Variants in PAMR1 observed in about 807,000 individuals in gnomAD.
PAMR1 encodes the protein inactive serine protease PAMR1.
PAMR1 carries 88 observed loss-of-function variants against 81.8 expected under a neutral mutation model. That is an observed-to-expected ratio of 1.08 (90% CI 0.91 to 1.28). PAMR1 has a LOEUF of 1.28. PAMR1 is among the 50% of genes most tolerant of loss of function. The probability of loss-of-function intolerance (pLI) is 0.00; values close to 1 mark genes in which losing one functional copy is unlikely to be tolerated. For missense variants in PAMR1, 935 were observed against 919.7 expected, an observed-to-expected ratio of 1.02 and a Z score of -0.21; for synonymous variants, 336 against 345.3, an observed-to-expected ratio of 0.97 and a Z score of 0.30.
At chr11:35,473,743 G>A (rs1370025520) in intron 4 of PAMR1, among the ~76,000 whole-genome samples, 7 of 152,158 alleles carry the variant, frequency 4.6e-5, no homozygotes, top group Non-Finnish European at 4.4e-5. Context: ...GGTAACCTCT[G>A]TGTCCATTTA....
At chr11:35,515,393 T>G (rs1209539275) in intron 1 of PAMR1, among the ~76,000 whole-genome samples, 1 of 152,258 alleles carries the variant, frequency 6.6e-6, no homozygotes. Flanking sequence ...GCCAGGGTGA[T>G]GCATTTGTAA....
At chr11:35,483,100 C>T (rs1392626685) in intron 3 of PAMR1, among the ~76,000 whole-genome samples, 1 of 152,170 alleles carries the variant, frequency 6.6e-6, no homozygotes, top group Admixed American at 6.5e-5. Flanking sequence ...TGCAAACGCC[C>T]TCTCCTCTAT....
intron 1 of PAMR1, among the ~76,000 whole-genome samples, chr11:35,512,582 A>G (rs1302221274): frequency 6.6e-6 from 1 of 152,196 alleles, no homozygotes; most frequent in Non-Finnish European, 1.5e-5. Flanking sequence ...TCCCAGCTCC[A>G]CCAGTTCCCA....
At chr11:35,470,213 C>G (rs1258897491) in intron 5 of PAMR1, among the ~76,000 whole-genome samples, 1 of 152,112 alleles carries the variant, frequency 6.6e-6, no homozygotes, top group Non-Finnish European at 1.5e-5. Context: ...AAGAACTTAC[C>G]CAAGGTCACA....
At chr11:35,467,547 T>A (rs775636626) in intron 6 of PAMR1, among the ~76,000 whole-genome samples, 9 of 152,194 alleles carry the variant, frequency 5.9e-5, no homozygotes, top group Non-Finnish European at 1.2e-4. Context: ...CTATTAATAA[T>A]TTTGCTCAGC....
rs577126182 is a variant in PAMR1 at position 35,521,777 on chromosome 11, C to T, written c.73+3736G>A. ...GTGTGAATATATGTCCTCCAGGTAA[C>T]GGAGGAACTTGGGTTCAGAAACTAG... On this transcript the variant is annotated intron_variant, in intron 1 of 10. Transcript: ENST00000619888. Among the ~76,000 whole-genome samples the T allele has an allele frequency of 5.9e-5, 9 of 152,324 alleles. No homozygotes were observed. In the South Asian group the frequency reaches 1.2e-3, roughly 21 times the overall value.
At chr11:35,463,938 C>T (rs1351004848) in intron 6 of PAMR1, among the ~76,000 whole-genome samples, 5 of 152,204 alleles carry the variant, frequency 3.3e-5, no homozygotes, top group Non-Finnish European at 2.9e-5. Context: ...CAAATAAATT[C>T]ATTTCCAGCT....
At chr11:35,527,533 T>C (rs1381141729), upstream of PAMR1, among the ~76,000 whole-genome samples, 1 of 152,132 alleles carries the variant, frequency 6.6e-6, no homozygotes, top group East Asian at 1.9e-4. Context: ...AGGAGCAGAA[T>C]ACCAGAGGGC....
chr11:35,519,547 C>G (rs1384645905), intron 1 of PAMR1, among the ~76,000 whole-genome samples: 1 of 152,198 alleles, frequency 6.6e-6, no homozygotes, highest in Non-Finnish European at 1.5e-5. Context: ...CTACTGGGAG[C>G]AAGGTACATG....
intron 1 of PAMR1, among the ~76,000 whole-genome samples, chr11:35,524,751 T>G (rs1482033595): frequency 6.6e-6 from 1 of 152,208 alleles, no homozygotes; most frequent in African/African-American, 2.4e-5. Context: ...TGCCATGTCC[T>G]CGCTTCTGCC....
intron 8 of PAMR1, among the ~76,000 whole-genome samples, chr11:35,437,712 C>A (rs1187888320): frequency 6.6e-6 from 1 of 152,248 alleles, no homozygotes; most frequent in Non-Finnish European, 1.5e-5. Flanking sequence ...TGCCACCTAA[C>A]CTCCCATTAA....
At chr11:35,464,963 G>A (rs1856730766) in intron 6 of PAMR1, among the ~76,000 whole-genome samples, 1 of 152,200 alleles carries the variant, frequency 6.6e-6, no homozygotes, top group Non-Finnish European at 1.5e-5. Flanking sequence ...TAACTGGGAT[G>A]GGAAGTCCTT....
intron 1 of PAMR1, among the ~76,000 whole-genome samples, chr11:35,511,130 G>C (rs1028691148): frequency 6.6e-6 from 1 of 152,240 alleles, no homozygotes; most frequent in East Asian, 1.9e-4. Flanking sequence ...GAATGAGTGA[G>C]TGAAAGAAAG....
At chr11:35,467,076 C>T (rs1037486727) in intron 6 of PAMR1, among the ~76,000 whole-genome samples, 2 of 152,306 alleles carry the variant, frequency 1.3e-5, no homozygotes, top group Non-Finnish European at 1.5e-5. Flanking sequence ...GGGCAGCCCG[C>T]ACCCAATGAC....
chr11:35,470,179 G>A (rs1015504438), intron 5 of PAMR1, among the ~76,000 whole-genome samples: 10 of 152,128 alleles, frequency 6.6e-5, no homozygotes, highest in African/African-American at 2.4e-4. Flanking sequence ...TCACTCATTA[G>A]GAAACAGAGG....
intron 6 of PAMR1, among the ~76,000 whole-genome samples, chr11:35,455,031 A>G (rs950828891): frequency 6.6e-6 from 1 of 152,248 alleles, no homozygotes. Context: ...AGGTCCCAAG[A>G]ATGACAGCGA....
At chr11:35,520,273 C>T (rs776509333) in intron 1 of PAMR1, among the ~76,000 whole-genome samples, 4 of 152,164 alleles carry the variant, frequency 2.6e-5, no homozygotes, top group African/African-American at 4.8e-5. Flanking sequence ...ACAACTGCAA[C>T]CAAGTAAAAG....
At chr11:35,467,884 C>T (rs932624683) in intron 6 of PAMR1, 117 bp downstream of exon 6, 5 of 611,770 alleles carry the variant, frequency 8.2e-6, no homozygotes, top group Non-Finnish European at 1.2e-5. Context: ...CCACACTGTG[C>T]ACCATCTTGG....
At chr11:35,517,770 T>A (rs1049010464) in intron 1 of PAMR1, among the ~76,000 whole-genome samples, 2 of 152,224 alleles carry the variant, frequency 1.3e-5, no homozygotes, top group Non-Finnish European at 2.9e-5. Flanking sequence ...AGATTGCAAG[T>A]GCCTTCAGAA....
Sources: allele counts gnomAD v4.1 joint callset (sites outside exome capture counted in the v4.1 genomes callset), GRCh38; gene constraint gnomAD v4.1.1; transcripts MANE v1.5; gene names NCBI Gene and HGNC (gene_info 2026-07-23, HGNC 2026-07-21).